SWAP70: variants seen among roughly 807,000 people sequenced by gnomAD.
SWAP70 encodes switch-associated protein 70.
In SWAP70, 34 loss-of-function variants were observed where a neutral mutation model predicts 80.2. That is an observed-to-expected ratio of 0.42 (90% CI 0.32 to 0.56). SWAP70 has a LOEUF of 0.56. Ranked by LOEUF, SWAP70 falls within the 20% of genes least tolerant of loss-of-function variation. The pLI is 0.09. For missense variants in SWAP70, 578 were observed against 690.7 expected, an observed-to-expected ratio of 0.84 and a Z score of 1.83; for synonymous variants, 239 against 238.5, an observed-to-expected ratio of 1.00 and a Z score of -0.02.
chr11:9,664,292 G>C lies in SWAP70; in HGVS notation c.99+14G>C. 2 of 1,553,988 alleles carry C rather than the reference G, an allele frequency of 1.3e-6. No individual in the cohort carries two copies. Among genetic ancestry groups the C allele is most frequent in the Non-Finnish European group, 1.7e-6 (2 of 1,149,980 alleles). On this transcript the variant is annotated intron_variant, in intron 1 of 11. Coordinates refer to ENST00000318950, the MANE Select transcript of SWAP70 (RefSeq NM_015055.4). The stretch of plus-strand genomic sequence containing the variant: ...TCCCAGCTCAAGGTGGGCGCCTCCT[G>C]ACCCGGCCCCCCACCCGACCCTCCC...
At chr11:9,702,577 C>CGTGG (rs1018815089) in intron 2 of SWAP70, among the ~76,000 whole-genome samples, 1 of 152,016 alleles carries the variant, frequency 6.6e-6, no homozygotes, top group Admixed American at 6.6e-5. Flanking sequence ...GTGTGCACCA[C>CGTGG]CATGCCTGGC....
intron 2 of SWAP70, among the ~76,000 whole-genome samples, chr11:9,695,537 A>G (rs1850745190): frequency 6.6e-6 from 1 of 150,382 alleles, no homozygotes; most frequent in Non-Finnish European, 1.5e-5. Context: ...ACCAGACACC[A>G]CGTGTTCTCA....
chr11:9,690,219 T>G (rs1456671536), intron 1 of SWAP70, among the ~76,000 whole-genome samples: 1 of 152,206 alleles, frequency 6.6e-6, no homozygotes, highest in African/African-American at 2.4e-5. Flanking sequence ...GGAGGAGCTT[T>G]TACTTCTTTT....
intron 1 of SWAP70, among the ~76,000 whole-genome samples, chr11:9,669,671 T>C (rs545803578): frequency 1.2e-4 from 18 of 152,254 alleles, no homozygotes; most frequent in African/African-American, 4.3e-4. Context: ...CATACACATA[T>C]GTGTTCCTGT....
intron 1 of SWAP70, among the ~76,000 whole-genome samples, chr11:9,674,400 T>TA (rs201150330): frequency 5.3e-5 from 8 of 151,938 alleles, no homozygotes; most frequent in Admixed American, 3.9e-4. Flanking sequence ...AACACAGATT[T>TA]AAAAAAAACC....
chr11:9,738,710 A>G (rs2133814868), intron 8 of SWAP70, among the ~76,000 whole-genome samples: 1 of 138,838 alleles, frequency 7.2e-6, no homozygotes, highest in Admixed American at 7.2e-5. Context: ...AAAAAAAAAG[A>G]ATTAGCCAGG....
At chr11:9,733,833 A>T (rs1207278563) in intron 7 of SWAP70, among the ~76,000 whole-genome samples, 2 of 152,172 alleles carry the variant, frequency 1.3e-5, no homozygotes, top group Non-Finnish European at 2.9e-5. Flanking sequence ...GTCCTTTTTT[A>T]TAATTTTAAA....
chr11:9,740,331 C>T lies in SWAP70; in HGVS notation c.1339C>T (p.Arg447Trp), dbSNP rs1160193025. Residue 447 changes from arginine to tryptophan, a missense_variant, in exon 9 of 12, where the codon CGG (arginine) becomes TGG (tryptophan). Coordinates refer to ENST00000318950, the MANE Select transcript of SWAP70 (RefSeq NM_015055.4). ...RQARQDEETV[R>W]KLQARLLEEE... ...GGCCCGGCAAGATGAAGAGACAGTG[C>T]GGAAGCTTCAGGCCAGGTGCCAGAT... 1.5e-5 allele frequency: 25 copies of T among 1,614,018 alleles called. No homozygotes were observed. Among genetic ancestry groups the T allele is most frequent in the African/African-American group, 5.3e-5 (4 of 74,918 alleles).
chr11:9,701,964 T>C (rs758333547), intron 2 of SWAP70, among the ~76,000 whole-genome samples: 3 of 152,220 alleles, frequency 2.0e-5, no homozygotes, highest in Admixed American at 1.3e-4. Context: ...CATTAATCCA[T>C]TGGCAGTATG....
intron 1 of SWAP70, among the ~76,000 whole-genome samples, chr11:9,676,061 G>T (rs1012699813): frequency 6.6e-6 from 1 of 152,204 alleles, no homozygotes. Flanking sequence ...AGCTGAAGTA[G>T]ATAGCAATAG....
chr11:9,726,172 GA>G lies in SWAP70; in HGVS notation c.642+1296del, dbSNP rs200544742. Among the ~76,000 whole-genome samples the G allele has an allele frequency of 9.0e-4, 135 of 150,466 alleles. 2 individuals are homozygous for G. In the South Asian group the frequency reaches 0.026, roughly 29 times the overall value. Reference sequence around the variant, plus strand: ...AATCAGAAAAATACCTCTACTTGTGGAAAAAAAAATACCTTTATGTAGCAAA... The same window carrying G: ...AATCAGAAAAATACCTCTACTTGTGGAAAAAAAATACCTTTATGTAGCAAA... On this transcript the variant is annotated intron_variant, in intron 4 of 11. Coordinates refer to ENST00000318950, the MANE Select transcript of SWAP70 (RefSeq NM_015055.4).
intron 1 of SWAP70, among the ~76,000 whole-genome samples, chr11:9,672,228 T>TATATATATATATA (rs1554982640): frequency 6.7e-5 from 9 of 133,740 alleles, no homozygotes; most frequent in South Asian, 6.7e-4. Context: ...TATATATATA[T>TATATATATATATA]GATTGTAAAG....
intron 2 of SWAP70, among the ~76,000 whole-genome samples, chr11:9,704,191 A>C (rs1221157726): frequency 6.6e-6 from 1 of 152,120 alleles, no homozygotes. Flanking sequence ...GTCTATATAG[A>C]GAGAGACCAT....
At chr11:9,720,056 A>G (rs1008151661) in intron 3 of SWAP70, 3 of 985,194 alleles carry the variant, frequency 3.0e-6, no homozygotes, top group African/African-American at 1.7e-5. Context: ...CTGAAACTGA[A>G]TGAGCTCTTA....
chr11:9,700,901 G>A (rs11823903), intron 2 of SWAP70, among the ~76,000 whole-genome samples: 3,631 of 152,082 alleles, frequency 0.024, 143 homozygotes, highest in African/African-American at 0.082. Flanking sequence ...TTAGTGTATG[G>A]TGTTCCTTAG....
chr11:9,725,862 G>A (rs532582446), intron 4 of SWAP70, among the ~76,000 whole-genome samples: 4 of 97,898 alleles, frequency 4.1e-5, no homozygotes, highest in Admixed American at 9.0e-5. Flanking sequence ...GAACCGCCGC[G>A]CCCAGGCCAT....
At chr11:9,693,979 AACAGGTT>A (rs1328379160) in intron 1 of SWAP70, among the ~76,000 whole-genome samples, 160 bp from the exon 2 acceptor site, 3 of 152,218 alleles carry the variant, frequency 2.0e-5, no homozygotes, top group Non-Finnish European at 1.5e-5. Context: ...GAGAAAGAAT[AACAGGTT>A]ACAAGTAGGG....
chr11:9,741,686 A>C (rs777684123), intron 9 of SWAP70: 2 of 152,228 alleles, frequency 1.3e-5, no homozygotes, highest in South Asian at 2.1e-4. Context: ...GGAACCAGAT[A>C]ATTCTAGAAA....
At chr11:9,678,951 A>G (rs1033533804) in intron 1 of SWAP70, among the ~76,000 whole-genome samples, 12 of 151,710 alleles carry the variant, frequency 7.9e-5, no homozygotes, top group African/African-American at 1.9e-4. Flanking sequence ...TCATGAAACT[A>G]TTTTTCCTGC....
Sources: allele counts gnomAD v4.1 joint callset (sites outside exome capture counted in the v4.1 genomes callset), GRCh38; gene constraint gnomAD v4.1.1; transcripts MANE v1.5; gene names NCBI Gene and HGNC (gene_info 2026-07-23, HGNC 2026-07-21).